Variants in CLMP observed in about 807,000 individuals in gnomAD.
CLMP encodes CXADR-like membrane protein.
A neutral mutation model predicts 45.2 loss-of-function variants in CLMP; 27 were observed. That is an observed-to-expected ratio of 0.60 (90% CI 0.44 to 0.82). CLMP has a LOEUF of 0.82. Among genes scored for constraint, CLMP ranks in the 40% least tolerant of loss-of-function variants. The pLI, the probability that CLMP is intolerant of heterozygous loss-of-function variation, is 0.00. For missense variants in CLMP, 403 were observed against 448.4 expected, an observed-to-expected ratio of 0.90 and a Z score of 0.91; for synonymous variants, 167 against 171.4, an observed-to-expected ratio of 0.97 and a Z score of 0.20.
chr11:123,089,517 G>C (rs1352570897), intron 2 of CLMP, among the ~76,000 whole-genome samples: 1 of 152,120 alleles, frequency 6.6e-6, no homozygotes, highest in Non-Finnish European at 1.5e-5. Context: ...TGTAATCCCA[G>C]CACTTTGGGA....
intron 1 of CLMP, among the ~76,000 whole-genome samples, chr11:123,155,931 G>C (rs1003979224): frequency 3.3e-5 from 5 of 152,200 alleles, no homozygotes; most frequent in African/African-American, 1.2e-4. Context: ...AGGAACTGAG[G>C]CTTCCTGCCA....
intron 1 of CLMP, among the ~76,000 whole-genome samples, chr11:123,181,549 G>A (rs188555518): frequency 3.9e-4 from 60 of 152,082 alleles, no homozygotes; most frequent in Admixed American, 2.2e-3. Context: ...ATTCCATTCC[G>A]TCCTACTTTG....
intron 1 of CLMP, among the ~76,000 whole-genome samples, chr11:123,110,208 C>G (rs1251656927): frequency 1.3e-5 from 2 of 152,076 alleles, no homozygotes; most frequent in Admixed American, 1.3e-4. Flanking sequence ...GTAATCCCAG[C>G]ACTTTGGGGG....
At chr11:123,111,911 C>T (rs1299020913) in intron 1 of CLMP, among the ~76,000 whole-genome samples, 1 of 151,916 alleles carries the variant, frequency 6.6e-6, no homozygotes, top group Non-Finnish European at 1.5e-5. Flanking sequence ...TGTCTAAGAC[C>T]AAAAAAGACT....
intron 1 of CLMP, among the ~76,000 whole-genome samples, chr11:123,150,439 GA>G (rs1230510411): frequency 1.5e-5 from 1 of 64,792 alleles, no homozygotes; most frequent in Non-Finnish European, 3.1e-5. Flanking sequence ...AAGAAAGAAA[GA>G]AAGAAAGAAA....
intron 1 of CLMP, among the ~76,000 whole-genome samples, chr11:123,162,570 G>A (rs1478188370): frequency 6.6e-6 from 1 of 151,962 alleles, no homozygotes; most frequent in East Asian, 1.9e-4. Context: ...TGAGAGAGAT[G>A]AAGGAGCTTA....
At chr11:123,080,777 C>A (rs970965413) in intron 5 of CLMP, among the ~76,000 whole-genome samples, 1 of 152,110 alleles carries the variant, frequency 6.6e-6, no homozygotes, top group Non-Finnish European at 1.5e-5. Context: ...CCAAAATAGG[C>A]ACAGAATGTT....
At chr11:123,125,926 C>T (rs1565390230) in intron 1 of CLMP, among the ~76,000 whole-genome samples, 1 of 152,032 alleles carries the variant, frequency 6.6e-6, no homozygotes, top group African/African-American at 2.4e-5. Context: ...GCTTTCTGCT[C>T]TCTCTTCGCA....
intron 1 of CLMP, among the ~76,000 whole-genome samples, chr11:123,181,447 G>C (rs1861769142): frequency 6.6e-6 from 1 of 152,178 alleles, no homozygotes. Flanking sequence ...TTGCTCCACT[G>C]TGAGCTGAAG....
At chr11:123,170,298 A>C (rs144348401) in intron 1 of CLMP, among the ~76,000 whole-genome samples, 1 of 152,166 alleles carries the variant, frequency 6.6e-6, no homozygotes, top group Non-Finnish European at 1.5e-5. Context: ...ATGAGACTTC[A>C]TGGTTTGTAG....
At chr11:123,082,611 G>T (rs116414356) in intron 5 of CLMP, among the ~76,000 whole-genome samples, 44,493 of 145,570 alleles carry the variant, frequency 0.31, 7,366 homozygotes, top group African/African-American at 0.45. Context: ...GGTTTTTTTT[G>T]TGTGTGTTTT....
At chr11:123,125,928 C>G (rs1402687779) in intron 1 of CLMP, among the ~76,000 whole-genome samples, 1 of 152,042 alleles carries the variant, frequency 6.6e-6, no homozygotes, top group Non-Finnish European at 1.5e-5. Context: ...TTTCTGCTCT[C>G]TCTTCGCACA....
chr11:123,118,975 TTCTTTC>T (rs1860763072), intron 1 of CLMP, among the ~76,000 whole-genome samples: 1 of 46,082 alleles, frequency 2.2e-5, no homozygotes, highest in Non-Finnish European at 4.0e-5. Flanking sequence ...CTTTCTTTCT[TTCTTTC>T]TTTCTTTCTT....
rs543791050 is a variant in CLMP, at chr11:123,174,765, A to AT, written c.28+20147dup. 3.3e-4 allele frequency among the ~76,000 whole-genome samples: 50 copies of AT among 152,204 alleles called. 1 individual carries two copies. In the East Asian group the frequency reaches 9.1e-3, roughly 28 times the overall value. ...ATCTAGAAATTAGGAAGCACTTAGG[A>AT]TTTTTTAAATGGTTATCTAAGGGTT... On this transcript the variant is annotated intron_variant, in intron 1 of 6. Transcript: ENST00000448775.
intron 1 of CLMP, among the ~76,000 whole-genome samples, chr11:123,150,402 AGAAG>A (rs1183038267): frequency 6.9e-6 from 1 of 144,402 alleles, no homozygotes; most frequent in Non-Finnish European, 1.5e-5. Context: ...GATGAACAAA[AGAAG>A]GAAGGAAGGT....
chr11:123,115,603 CT>C (rs1169920243), intron 1 of CLMP, among the ~76,000 whole-genome samples: 1 of 151,824 alleles, frequency 6.6e-6, no homozygotes, highest in Non-Finnish European at 1.5e-5. Flanking sequence ...AAAATCTGTG[CT>C]GTTAGAAGTC....
intron 1 of CLMP, among the ~76,000 whole-genome samples, chr11:123,114,892 G>A (rs1327444501): frequency 6.6e-6 from 1 of 152,098 alleles, no homozygotes; most frequent in Non-Finnish European, 1.5e-5. Context: ...ACGAGGAATT[G>A]AGCCACTATT....
At chr11:123,191,375 A>G (rs919129743) in intron 1 of CLMP, 1 of 152,244 alleles carries the variant, frequency 6.6e-6, no homozygotes, top group Non-Finnish European at 1.5e-5. Flanking sequence ...AGATAAGGGT[A>G]GGACATGGAA....
chr11:123,194,616 C>T (rs1655955645), intron 1 of CLMP, among the ~76,000 whole-genome samples: 1 of 152,358 alleles, frequency 6.6e-6, no homozygotes, highest in East Asian at 1.9e-4. Context: ...CTTCCCTCCA[C>T]CAATTCTCCA....
Sources: allele counts gnomAD v4.1 joint callset (sites outside exome capture counted in the v4.1 genomes callset), GRCh38; gene constraint gnomAD v4.1.1; transcripts MANE v1.5; gene names NCBI Gene and HGNC (gene_info 2026-07-23, HGNC 2026-07-21).